FAM83A: variants seen among roughly 807,000 people sequenced by gnomAD.
FAM83A encodes the protein protein FAM83A.
A neutral mutation model predicts 24.4 loss-of-function variants in FAM83A; 21 were observed. That is an observed-to-expected ratio of 0.86 (90% confidence interval 0.61 to 1.24). The LOEUF is 1.24. Ranked by LOEUF, FAM83A falls within the 50% of genes most tolerant of loss-of-function variation. The probability of loss-of-function intolerance (pLI) is 0.00; values close to 1 mark genes in which losing one functional copy is unlikely to be tolerated. For missense variants in FAM83A, 617 were observed against 579.8 expected, an observed-to-expected ratio of 1.06 and a Z score of -0.66; for synonymous variants, 270 against 252.4, an observed-to-expected ratio of 1.07 and a Z score of -0.66.
chr8:123,199,272 G>T (rs1247982733), intron 3 of FAM83A, among the ~76,000 whole-genome samples: 1 of 152,118 alleles, frequency 6.6e-6, no homozygotes, highest in Non-Finnish European at 1.5e-5. Context: ...AATTTATTTT[G>T]ATATTAATAA....
chr8:123,182,385 G>A (rs62521841), upstream of FAM83A: 25,434 of 357,660 alleles, frequency 0.071, 1,089 homozygotes, highest in Non-Finnish European at 0.092. Flanking sequence ...CATGGGAATC[G>A]AGGCACCCAG....
upstream of FAM83A, chr8:123,182,314 G>A (rs1823621561): frequency 5.6e-6 from 2 of 357,698 alleles, no homozygotes; most frequent in Admixed American, 7.2e-5. Flanking sequence ...CACAGAGAGG[G>A]GGGCGCATCT....
upstream of FAM83A, chr8:123,181,679 A>T (rs781337993): frequency 1.0e-4 from 19 of 188,282 alleles, no homozygotes; most frequent in Non-Finnish European, 1.7e-4. Context: ...TGGCACCATC[A>T]CCCAGAGGTT....
intron 1 of FAM83A, among the ~76,000 whole-genome samples, chr8:123,191,120 A>C (rs1823960162): frequency 6.6e-6 from 1 of 152,148 alleles, no homozygotes; most frequent in South Asian, 2.1e-4. Flanking sequence ...GAGGGGAGGC[A>C]ATTACTTAAA....
chr8:123,189,291 C>T (rs528945495), intron 1 of FAM83A, among the ~76,000 whole-genome samples: 4 of 152,358 alleles, frequency 2.6e-5, no homozygotes, highest in Non-Finnish European at 5.9e-5. Context: ...AGCTATCCAT[C>T]CACATCACAG....
At chr8:123,181,736 C>A, upstream of FAM83A, 1 of 267,584 alleles carries the variant, frequency 3.7e-6, no homozygotes, top group Non-Finnish European at 7.7e-6. Context: ...TCCATGAACC[C>A]AGATGTCCAC....
chr8:123,203,147 T>C lies in FAM83A; in HGVS notation c.774-4010T>C, dbSNP rs1156821060. ...TTGTTTACAAATCGACTTGCAATAG[T>C]TGAAAAGAATTTGAATGTTGAAAAT... On this transcript the variant is annotated intron_variant, in intron 3 of 3. Coordinates refer to ENST00000690554, the Ensembl canonical transcript of FAM83A. Among the ~76,000 whole-genome samples the C allele has an allele frequency of 2.0e-5, 3 of 152,010 alleles. No homozygotes were observed. The East Asian group carries it at 5.8e-4, about 29-fold the overall frequency.
exon 4 of FAM83A, chr8:123,207,359 G>A (rs759362452): frequency 6.2e-6 from 10 of 1,611,150 alleles, no homozygotes; most frequent in South Asian, 2.2e-5. Context: ...CAGTGGCTCC[G>A]CCAGTGACCG....
chr8:123,197,605 T>C (rs1374515119), intron 3 of FAM83A, among the ~76,000 whole-genome samples: 1 of 152,228 alleles, frequency 6.6e-6, no homozygotes, highest in African/African-American at 2.4e-5. Context: ...TTTCGGCGAT[T>C]GTGAATATTA....
chr8:123,202,334 C>T (rs13271849), intron 3 of FAM83A: 28,185 of 153,012 alleles, frequency 0.18, 2,784 homozygotes, highest in Admixed American at 0.25. Context: ...TGCCCTCCGT[C>T]GGAGAGCTCA....
At chr8:123,189,783 T>A (rs1052728811) in intron 1 of FAM83A, among the ~76,000 whole-genome samples, 1 of 152,138 alleles carries the variant, frequency 6.6e-6, no homozygotes, top group African/African-American at 2.4e-5. Flanking sequence ...ATGTCTCATG[T>A]CTCCCTAAAA....
At chr8:123,204,655 G>A (rs1212974948) in intron 3 of FAM83A, among the ~76,000 whole-genome samples, 3 of 151,772 alleles carry the variant, frequency 2.0e-5, no homozygotes, top group Non-Finnish European at 4.4e-5. Flanking sequence ...CCAGCTACTT[G>A]GGAGGCTGAG....
At chr8:123,196,401 A>T (rs1044042701) in intron 3 of FAM83A, among the ~76,000 whole-genome samples, 7 of 152,138 alleles carry the variant, frequency 4.6e-5, no homozygotes, top group Admixed American at 3.3e-4. Context: ...ATGTATTTGG[A>T]TTTATTTCTA....
chr8:123,182,985 GGATGGGGGTTCT>G lies in FAM83A; in HGVS notation c.132_143del (p.Asp44_Ser47del), dbSNP rs770609483. On this transcript the variant is annotated inframe_deletion, in exon 1 of 4. Coordinates refer to ENST00000690554, the Ensembl canonical transcript of FAM83A. Reference sequence around the variant, plus strand: ...CCCGGCTGGCCACGGACGCCCTCTTGGATGGGGGTTCTGAAGCCTACTGGCGGGTGCTCAGCC... The same window carrying G: ...CCCGGCTGGCCACGGACGCCCTCTTGGAAGCCTACTGGCGGGTGCTCAGCC... 5.0e-6 allele frequency: 8 copies of G among 1,611,996 alleles called. No individual in the cohort carries two copies. The African/African-American group carries it at 9.3e-5, about 19-fold the overall frequency.
chr8:123,180,836 T>A (rs1461155945), upstream of FAM83A: 1 of 151,338 alleles, frequency 6.6e-6, no homozygotes, highest in Non-Finnish European at 1.5e-5. Flanking sequence ...AGGGAGGAGA[T>A]AAAATGGAAT....
chr8:123,190,342 AC>A (rs1322213378), intron 1 of FAM83A, among the ~76,000 whole-genome samples: 2 of 151,962 alleles, frequency 1.3e-5, no homozygotes, highest in Non-Finnish European at 2.9e-5. Context: ...GCTCACTGCA[AC>A]CTCTGCCTCC....
chr8:123,207,364 T>C lies in FAM83A; in HGVS notation c.981T>C (p.Ser327=), dbSNP rs765096049. The C allele has an allele frequency of 1.2e-5, 19 of 1,611,320 alleles. No individual in the cohort carries two copies. In the Admixed American group the frequency reaches 1.7e-4, roughly 14 times the overall value. The change falls in exon 4 of 4, where the codon AGT becomes AGC. Residue 327 remains serine (S), a synonymous_variant. Coordinates refer to ENST00000690554, the Ensembl canonical transcript of FAM83A. ...TTAGCAGCAGCAGTGGCTCCGCCAG[T>C]GACCGCACGTCCTCCAACCCCTTCA...
intron 3 of FAM83A, chr8:123,202,294 G>A (rs556734531): frequency 2.0e-5 from 3 of 152,918 alleles, no homozygotes; most frequent in South Asian, 2.1e-4. Context: ...ATGCTCTTTC[G>A]AGTCGCAGGG....
upstream of FAM83A, chr8:123,182,397 A>G (rs372883306): frequency 5.5e-6 from 2 of 361,768 alleles, no homozygotes; most frequent in Non-Finnish European, 1.1e-5. Flanking sequence ...GGCACCCAGG[A>G]GGGGAGCAGA....
Sources: gnomAD v4.1 joint callset for allele counts (sites outside exome capture counted in the v4.1 genomes callset) on GRCh38, gnomAD v4.1.1 for gene constraint, MANE v1.5 for transcripts, NCBI Gene and HGNC (gene_info 2026-07-23, HGNC 2026-07-21) for gene names.